The following USH2A variants were observed in gnomAD, a reference collection of about 807,000 sequenced individuals.
USH2A encodes usherin.
In USH2A, 443 loss-of-function variants were observed where a neutral mutation model predicts 538.9. That is an observed-to-expected ratio of 0.82 (90% CI 0.76 to 0.89). USH2A has a LOEUF of 0.89. Among genes scored for constraint, USH2A ranks in the 40% least tolerant of loss-of-function variants. The pLI is 0.00. For synonymous variants in USH2A, 2,413 were observed against 2,273.5 expected, an observed-to-expected ratio of 1.06 and a Z score of -1.75; for missense variants, 6,633 against 6,324.8, an observed-to-expected ratio of 1.05 and a Z score of -1.65.
chr1:216,078,072 C>T lies in USH2A; in HGVS notation c.5572+17G>A, dbSNP rs770824096. On this transcript the variant is annotated intron_variant, in intron 27 of 71. Transcript: ENST00000307340. ...CAGGGCTGTATGGATTTGTGAATTCCTCCAGATGGAACTTACCTTGTTCCA... is the reference window on the plus strand; with the variant it reads ...CAGGGCTGTATGGATTTGTGAATTCTTCCAGATGGAACTTACCTTGTTCCA... 6.2e-7 allele frequency: 1 copy of T among 1,613,386 alleles called. No individual in the cohort carries two copies. Among genetic ancestry groups the T allele is most frequent in the South Asian group, 1.1e-5 (1 of 91,068 alleles).
At chr1:216,315,689 T>G (rs979339788) in intron 9 of USH2A, among the ~76,000 whole-genome samples, 4 of 152,186 alleles carry the variant, frequency 2.6e-5, no homozygotes, top group African/African-American at 9.7e-5. Context: ...CAAATTGTCT[T>G]TATATTATTT....
intron 61 of USH2A, among the ~76,000 whole-genome samples, chr1:215,712,774 T>TTTCC (rs1157652849): frequency 2.0e-5 from 3 of 151,674 alleles, no homozygotes; most frequent in Non-Finnish European, 4.4e-5. Context: ...TATAATAAAT[T>TTTCC]TTCCTTCCTT....
intron 32 of USH2A, among the ~76,000 whole-genome samples, chr1:216,031,614 T>C (rs1361942134): frequency 6.6e-6 from 1 of 152,212 alleles, no homozygotes; most frequent in African/African-American, 2.4e-5. Flanking sequence ...CTTCGCTATG[T>C]TGAAGCAATG....
At chr1:215,729,699 T>C (rs921040371) in intron 60 of USH2A, among the ~76,000 whole-genome samples, 13 of 152,226 alleles carry the variant, frequency 8.5e-5, no homozygotes, top group African/African-American at 2.7e-4. Flanking sequence ...GATGCAATCA[T>C]GGCTAACTGC....
intron 20 of USH2A, among the ~76,000 whole-genome samples, chr1:216,183,954 T>C (rs982813879): frequency 2.0e-5 from 3 of 151,978 alleles, no homozygotes; most frequent in African/African-American, 7.2e-5. Flanking sequence ...ATTTGACATG[T>C]TGGTTACAAG....
chr1:216,392,258 G>A lies in USH2A; in HGVS notation c.651+26256C>T, dbSNP rs186400544. 6.7e-3 allele frequency among the ~76,000 whole-genome samples: 1,016 copies of A among 152,106 alleles called. 17 individuals are homozygous for A. The highest frequency in any genetic ancestry group is 0.024 in the African/African-American group (985 of 41,480). On this transcript the variant is annotated intron_variant, in intron 3 of 71. Coordinates refer to ENST00000307340, the MANE Select transcript of USH2A (RefSeq NM_206933.4). Reference sequence around the variant, plus strand: ...TCACACCTGTAATCCCAGCACTTTGGGAAGCTGAGGCAGGTGGATCACAAG... The same window carrying A: ...TCACACCTGTAATCCCAGCACTTTGAGAAGCTGAGGCAGGTGGATCACAAG...
At chr1:216,067,802 C>A (rs559124140) in intron 30 of USH2A, among the ~76,000 whole-genome samples, 1 of 151,918 alleles carries the variant, frequency 6.6e-6, no homozygotes, top group Non-Finnish European at 1.5e-5. Context: ...TGTGTCCAAA[C>A]GCCTATTGGA....
intron 11 of USH2A, among the ~76,000 whole-genome samples, chr1:216,267,678 T>C (rs1447590925): frequency 6.6e-6 from 1 of 152,120 alleles, no homozygotes; most frequent in East Asian, 1.9e-4. Flanking sequence ...AGAGGATTTT[T>C]CTCTCCTCAG....
chr1:215,948,101 C>T (rs145912623), intron 37 of USH2A, among the ~76,000 whole-genome samples: 75 of 152,110 alleles, frequency 4.9e-4, no homozygotes, highest in African/African-American at 1.8e-3. Flanking sequence ...AGGTCTTTAA[C>T]ATCTCTTGTA....
At chr1:215,736,748 A>G (rs936545376) in intron 60 of USH2A, among the ~76,000 whole-genome samples, 34 of 152,000 alleles carry the variant, frequency 2.2e-4, no homozygotes, top group African/African-American at 7.5e-4. Flanking sequence ...GTAAATGAAC[A>G]ATCTTACTTA....
chr1:216,087,875 A>G (rs989641213), intron 23 of USH2A, among the ~76,000 whole-genome samples: 3 of 152,126 alleles, frequency 2.0e-5, no homozygotes, highest in Admixed American at 6.6e-5. Context: ...CATTCCCCTT[A>G]AAATTTATTC....
intron 9 of USH2A, among the ~76,000 whole-genome samples, chr1:216,311,009 A>C (rs1410300849): frequency 6.6e-6 from 1 of 152,168 alleles, no homozygotes; most frequent in African/African-American, 2.4e-5. Context: ...TGCCCTTCTT[A>C]ACAAGAGAGG....
chr1:215,993,979 A>G (rs1264565066), intron 34 of USH2A, among the ~76,000 whole-genome samples: 1 of 152,168 alleles, frequency 6.6e-6, no homozygotes, highest in Admixed American at 6.5e-5. Context: ...TTCTCCAGGA[A>G]ATTGATAAAT....
intron 4 of USH2A, among the ~76,000 whole-genome samples, chr1:216,338,572 T>G (rs1188480516): frequency 6.6e-6 from 1 of 151,458 alleles, no homozygotes; most frequent in East Asian, 1.9e-4. Flanking sequence ...ATGTTAAAAT[T>G]TAAAACTCTT....
rs879816191 is a variant in USH2A at position 215,951,863 on chromosome 1, T to TATTA, written c.7120+13453_7120+13454insTAAT. On this transcript the variant is annotated intron_variant, in intron 37 of 71. Transcript: ENST00000307340. ...TGGTTTATTTTTTTTATTTTTTATT[T>TATTA]TTTTTATTTTTTGAGACGGAGTCTT... is the stretch of plus-strand genomic sequence containing the variant. 8.1e-3 allele frequency among the ~76,000 whole-genome samples: 1,200 copies of TATTA among 149,062 alleles called. 9 individuals carry two copies. Among genetic ancestry groups the TATTA allele is most frequent in the South Asian group, 0.022 (98 of 4,412 alleles).
intron 38 of USH2A, among the ~76,000 whole-genome samples, chr1:215,906,021 A>G (rs932378212): frequency 6.6e-6 from 1 of 152,120 alleles, no homozygotes; most frequent in African/African-American, 2.4e-5. Context: ...ATGGAAAATT[A>G]AAGTTCAGAC....
rs11804470 is a variant in USH2A at position 216,422,988 on chromosome 1, A to G, written c.-205+226T>C. 0.069 allele frequency among the ~76,000 whole-genome samples: 10,440 copies of G among 152,156 alleles called. 916 individuals carry two copies. The highest frequency in any genetic ancestry group is 0.2 in the African/African-American group (8,433 of 41,486). On this transcript the variant is annotated intron_variant, in intron 1 of 71. Coordinates refer to ENST00000307340, the MANE Select transcript of USH2A (RefSeq NM_206933.4). ...ACCCAGAGCTAACTTACAGATGCCCAAAATAAAGCTGGCAAAGGACTTTGG... is the reference window on the plus strand; with the variant it reads ...ACCCAGAGCTAACTTACAGATGCCCGAAATAAAGCTGGCAAAGGACTTTGG...
At chr1:216,383,104 C>T (rs1440657210) in intron 3 of USH2A, among the ~76,000 whole-genome samples, 1 of 152,096 alleles carries the variant, frequency 6.6e-6, no homozygotes, top group Non-Finnish European at 1.5e-5. Context: ...CTCACTCAGG[C>T]ACACAAAAAC....
intron 44 of USH2A, among the ~76,000 whole-genome samples, chr1:215,865,447 T>C (rs1033147556): frequency 3.3e-5 from 5 of 152,172 alleles, no homozygotes; most frequent in African/African-American, 4.8e-5. Flanking sequence ...AGGACCTATA[T>C]TGGTGGAAAT....
Sources: allele counts gnomAD v4.1 joint callset (sites outside exome capture counted in the v4.1 genomes callset), GRCh38; gene constraint gnomAD v4.1.1; transcripts MANE v1.5; gene names NCBI Gene and HGNC (gene_info 2026-07-23, HGNC 2026-07-21).